The following SLIT2 variants were observed in gnomAD, a reference collection of about 807,000 sequenced individuals.
The protein encoded by SLIT2 is slit guidance ligand 2, also known as slit homolog 2 protein.
In SLIT2, 41 loss-of-function variants were observed where a neutral mutation model predicts 185.7. That is an observed-to-expected ratio of 0.22 (90% CI 0.17 to 0.29). The LOEUF is 0.29. Ranked by LOEUF, SLIT2 falls within the 10% of genes least tolerant of loss-of-function variation. SLIT2 has a pLI of 1.00. For missense variants in SLIT2, 1,571 were observed against 1,909.0 expected, an observed-to-expected ratio of 0.82 and a Z score of 3.30; for synonymous variants, 693 against 680.2, an observed-to-expected ratio of 1.02 and a Z score of -0.29.
intron 9 of SLIT2, among the ~76,000 whole-genome samples, chr4:20,508,974 A>G (rs763641917): frequency 6.6e-6 from 1 of 151,948 alleles, no homozygotes; most frequent in Non-Finnish European, 1.5e-5. Flanking sequence ...TTAATGTCCT[A>G]GGGATAATTT....
intron 26 of SLIT2, 74 bp downstream of exon 26, chr4:20,554,042 T>C: frequency 8.0e-7 from 1 of 1,253,584 alleles, no homozygotes; most frequent in East Asian, 2.5e-5. Context: ...CAACCAATTG[T>C]CAATCCAAAG....
chr4:20,469,922 A>AT (rs1160793043), intron 5 of SLIT2, among the ~76,000 whole-genome samples: 3 of 151,236 alleles, frequency 2.0e-5, no homozygotes, highest in Admixed American at 6.6e-5. Flanking sequence ...TGCCTGGCCA[A>AT]TTTTTTGTAT....
At chr4:20,257,616 A>G (rs1192274990) in intron 2 of SLIT2, among the ~76,000 whole-genome samples, 2 of 152,022 alleles carry the variant, frequency 1.3e-5, no homozygotes, top group East Asian at 1.9e-4. Context: ...CTATTAGTTT[A>G]AGGGTCAGAG....
chr4:20,314,110 A>G (rs1718370157), intron 4 of SLIT2, among the ~76,000 whole-genome samples: 1 of 152,194 alleles, frequency 6.6e-6, no homozygotes, highest in South Asian at 2.1e-4. Context: ...ATACATGGTA[A>G]TAAAACAGGA....
chr4:20,338,798 A>T (rs1720721327), intron 4 of SLIT2, among the ~76,000 whole-genome samples: 1 of 152,150 alleles, frequency 6.6e-6, no homozygotes, highest in Admixed American at 6.5e-5. Context: ...TTAATAAATC[A>T]TTACTGTGGG....
chr4:20,463,435 G>T (rs1310838797), intron 4 of SLIT2, among the ~76,000 whole-genome samples: 1 of 110,902 alleles, frequency 9.0e-6, no homozygotes, highest in Non-Finnish European at 1.8e-5. Context: ...TATCTTCATT[G>T]ACCTCAAACT....
At chr4:20,527,544 C>T (rs913274233) in intron 15 of SLIT2, among the ~76,000 whole-genome samples, 34 of 152,096 alleles carry the variant, frequency 2.2e-4, no homozygotes, top group Non-Finnish European at 4.3e-4. Context: ...CTTGGCCTCC[C>T]GAAGTGCTAG....
At chr4:20,458,934 A>C (rs961021645) in intron 4 of SLIT2, among the ~76,000 whole-genome samples, 5 of 152,236 alleles carry the variant, frequency 3.3e-5, no homozygotes, top group African/African-American at 1.2e-4. Flanking sequence ...TTATTTTATC[A>C]GTTGTAAATT....
intron 4 of SLIT2, among the ~76,000 whole-genome samples, chr4:20,275,603 G>C (rs1009275780): frequency 1.3e-5 from 2 of 152,094 alleles, no homozygotes; most frequent in African/African-American, 4.8e-5. Context: ...GTAAATATGT[G>C]TAGTCACATT....
At chr4:20,567,231 C>G (rs1725163635) in intron 26 of SLIT2, 31 bp from the exon 27 acceptor site, 1 of 1,582,714 alleles carries the variant, frequency 6.3e-7, no homozygotes, top group African/African-American at 1.4e-5. Flanking sequence ...GGAAGAGCGT[C>G]AGTTGCTTAT....
intron 33 of SLIT2, among the ~76,000 whole-genome samples, chr4:20,601,702 A>G (rs1242358651): frequency 6.6e-6 from 1 of 152,214 alleles, no homozygotes; most frequent in East Asian, 1.9e-4. Flanking sequence ...CTTTGATGAA[A>G]GATAGTACTT....
intron 5 of SLIT2, among the ~76,000 whole-genome samples, chr4:20,480,443 A>G (rs992613054): frequency 1.3e-5 from 2 of 152,194 alleles, no homozygotes; most frequent in Non-Finnish European, 2.9e-5. Flanking sequence ...ATCTAATGAA[A>G]TTGCATTCCT....
intron 4 of SLIT2, among the ~76,000 whole-genome samples, chr4:20,350,525 C>G (rs1053777781): frequency 6.6e-6 from 1 of 152,094 alleles, no homozygotes; most frequent in Non-Finnish European, 1.5e-5. Context: ...CCTATCATTA[C>G]TGCTTATTTT....
intron 4 of SLIT2, among the ~76,000 whole-genome samples, chr4:20,430,533 A>G (rs1490303574): frequency 1.3e-5 from 2 of 152,248 alleles, no homozygotes; most frequent in Non-Finnish European, 2.9e-5. Context: ...TTTGCCAAGA[A>G]CACAACTAAA....
chr4:20,572,560 ACC>A (rs1725698561), intron 29 of SLIT2, among the ~76,000 whole-genome samples: 2 of 152,302 alleles, frequency 1.3e-5, no homozygotes, highest in South Asian at 4.1e-4. Context: ...TAAACCTAAC[ACC>A]TATGCAAATA....
chr4:20,567,669 T>A, intron 28 of SLIT2, 54 bp downstream of exon 28: 1 of 1,293,802 alleles, frequency 7.7e-7, no homozygotes, highest in Non-Finnish European at 1.1e-6. Context: ...CAAAGATAAC[T>A]AAGCCAACAT....
At chr4:20,451,965 A>C (rs996096500) in intron 4 of SLIT2, among the ~76,000 whole-genome samples, 5 of 152,150 alleles carry the variant, frequency 3.3e-5, no homozygotes. Context: ...AAAACAACCA[A>C]AGCATTTGCG....
At chr4:20,345,821 C>T (rs1212972052) in intron 4 of SLIT2, among the ~76,000 whole-genome samples, 1 of 151,734 alleles carries the variant, frequency 6.6e-6, no homozygotes, top group Non-Finnish European at 1.5e-5. Context: ...GGCGTGAGCA[C>T]CCACGTCTGG....
intron 11 of SLIT2, among the ~76,000 whole-genome samples, chr4:20,518,162 CATAT>C (rs1720404545): frequency 7.6e-6 from 1 of 131,884 alleles, no homozygotes; most frequent in Non-Finnish European, 1.7e-5. Context: ...CATATACATA[CATAT>C]ACATATATTT....
Sources: gnomAD v4.1 joint callset for allele counts (sites outside exome capture counted in the v4.1 genomes callset) on GRCh38, gnomAD v4.1.1 for gene constraint, MANE v1.5 for transcripts, NCBI Gene and HGNC (gene_info 2026-07-23, HGNC 2026-07-21) for gene names.